IMP4: variants seen among roughly 807,000 people sequenced by gnomAD.
IMP4 encodes U3 small nucleolar ribonucleoprotein IMP4.
IMP4 carries 30 observed loss-of-function variants against 42.7 expected under a neutral mutation model. The ratio of observed to expected loss-of-function variants is 0.70; its 90% CI spans 0.53 to 0.95. The LOEUF (loss-of-function observed/expected upper bound fraction) is 0.95. IMP4 is among the 40% of genes least tolerant of loss of function. The pLI, the probability that IMP4 is intolerant of heterozygous loss-of-function variation, is 0.00. For synonymous variants in IMP4, 165 were observed against 165.2 expected (o/e 1.00, Z 0.01); for missense variants, 382 against 411.4 (o/e 0.93, Z 0.62).
chr2:130,342,910 C>T lies in IMP4; in HGVS notation c.-23C>T. The stretch of plus-strand genomic sequence containing the variant: ...GGAGGAGCCCACAGATTCTCCCGGA[C>T]CCACGTGGAAGCGGCACTCAAGATG... On this transcript the variant is annotated 5_prime_UTR_variant, in exon 1 of 9. Transcript: ENST00000259239. 2 of 1,613,994 alleles carry T rather than the reference C, an allele frequency of 1.2e-6. No homozygotes were observed. Among genetic ancestry groups the T allele is most frequent in the Non-Finnish European group, 8.5e-7 (1 of 1,179,858 alleles).
rs755641127 is a variant in IMP4 at position 130,346,470 on chromosome 2, C to T, written c.*2C>T. ...AGAGTCTTCCTGAGCACCGAGTGAGCACACTCACCACTCAGTCAGGACATG... is the reference window on the plus strand; with the variant it reads ...AGAGTCTTCCTGAGCACCGAGTGAGTACACTCACCACTCAGTCAGGACATG... On this transcript the variant is annotated 3_prime_UTR_variant, in exon 9 of 9. Transcript: ENST00000259239. 2 of 1,543,794 alleles carry T rather than the reference C, an allele frequency of 1.3e-6. No homozygotes were observed. The highest frequency in any genetic ancestry group is 1.8e-6 in the Non-Finnish European group (2 of 1,139,082).
At position 130,345,332 on chromosome 2, in the gene IMP4, C is replaced by G. The variant is rs761787596; in HGVS notation, c.197-44C>G. On this transcript the variant is annotated intron_variant, in intron 3 of 8. Transcript: ENST00000259239. The surrounding 1 kb of genome is among the most constrained non-coding windows in gnomAD (Gnocchi z 4.9). ...CTTGGCTGCCCCGAAGTTAGCATTT[C>G]ATTCCCAAGACTGTCATGTTCTTGC... 18 of 1,508,556 alleles carry G rather than the reference C, an allele frequency of 1.2e-5. No individual in the cohort carries two copies. Among genetic ancestry groups the G allele is most frequent in the Non-Finnish European group, 5.5e-6 (6 of 1,090,104 alleles). The allele number at this position is 1,508,556 out of a possible 1,614,324, so 93.4% of individuals were successfully genotyped here. A position where few individuals can be genotyped will look rare whatever the true frequency, so the allele number is the denominator to read the frequency against.
rs1573848031 is a variant in IMP4, at chr2:130,347,898, C to G, written c.*1430C>G. ...TACATGGTTTGCAAATAGTTTTTCC[C>G]ACTCTGTAGATATAGCCATTGAGAA... On this transcript the variant is annotated 3_prime_UTR_variant, in exon 9 of 9. Transcript: ENST00000259239. The G allele has an allele frequency of 2.0e-5, 3 of 152,382 alleles. No individual in the cohort carries two copies. The highest frequency in any genetic ancestry group is 2.0e-4 in the Admixed American group (3 of 15,302). The allele number at this position is 152,382 out of a possible 1,614,324, so 9.4% of individuals were successfully genotyped here.
intron 7 of IMP4, 38 bp downstream of exon 7, chr2:130,346,150 C>T (rs373532247): frequency 1.9e-6 from 3 of 1,612,296 alleles, no homozygotes; most frequent in African/African-American, 2.7e-5. Context: ...AGCATCCCCA[C>T]CCTGTGTACC....
In IMP4 at chr2:130,346,610, C is replaced by T. The variant is rs1679597566; in HGVS notation, c.*142C>T. ...GGCGGGTGGAGAGGTCTGAATAAACCGTCTGTGTCATGGCCCCGCCTGCCT... is the reference window on the plus strand; with the variant it reads ...GGCGGGTGGAGAGGTCTGAATAAACTGTCTGTGTCATGGCCCCGCCTGCCT... On this transcript the variant is annotated 3_prime_UTR_variant, in exon 9 of 9. Coordinates refer to ENST00000259239, the MANE Select transcript of IMP4 (RefSeq NM_033416.3). The T allele has an allele frequency of 7.2e-6, 5 of 692,254 alleles. No homozygotes were observed. Among genetic ancestry groups the T allele is most frequent in the South Asian group, 1.7e-5 (1 of 58,378 alleles). 42.9% of individuals were successfully genotyped at this position (692,254 alleles called of 1,614,324 possible). A position where few individuals can be genotyped will look rare whatever the true frequency, so the allele number is the denominator to read the frequency against.
At position 130,344,695 on chromosome 2, in the gene IMP4, A is replaced by G. The variant is rs758600510; in HGVS notation, c.179A>G (p.Asp60Gly). The change falls in exon 3 of 9, where the codon GAT becomes GGT. Residue 60 changes from aspartate (D) to glycine (G), a missense_variant. Asp to Gly is a moderately conservative substitution (Grantham distance 94). Coordinates refer to ENST00000259239, the MANE Select transcript of IMP4 (RefSeq NM_033416.3). ...GCCTTACAGGGGTCCCTGGAGTTTGATGATGCTGGAGGTGAAGGTAACTAT... is the reference window on the plus strand; with the variant it reads ...GCCTTACAGGGGTCCCTGGAGTTTGGTGATGCTGGAGGTGAAGGTAACTAT... ...ALALQGSLEF[D>G]DAGGEGVTSH... 6.2e-6 allele frequency: 10 copies of G among 1,613,124 alleles called. No homozygotes were observed. In the Admixed American group the frequency reaches 1.5e-4, roughly 24 times the overall value.
In IMP4 at chr2:130,345,269, T is replaced by C. The variant is rs1417423960; in HGVS notation, c.197-107T>C. The C allele has an allele frequency of 1.1e-5, 9 of 801,770 alleles. No homozygotes were observed. Among genetic ancestry groups the C allele is most frequent in the Non-Finnish European group, 1.7e-5 (8 of 473,036 alleles). 49.7% of individuals were successfully genotyped at this position (801,770 alleles called of 1,614,324 possible). The stretch of plus-strand genomic sequence containing the variant: ...CCGGTGTGCATGTGGAGCATTCCTA[T>C]TGTTGAAGGCTTCGGCAGACAGCGA... On this transcript the variant is annotated intron_variant, in intron 3 of 8. Transcript: ENST00000259239. The surrounding 1 kb of genome is among the most constrained non-coding windows in gnomAD (Gnocchi z 4.9).
Position 130,345,075 on chromosome 2 carries a change from A to C in IMP4, c.197-301A>C, listed in dbSNP as rs1363714042. On this transcript the variant is annotated intron_variant, in intron 3 of 8. Transcript: ENST00000259239. This position sits in a 1 kb window ranked among gnomAD's most constrained non-coding sequence, Gnocchi z 4.9. ...ATAGATATTTGTTACGAGGGAAAAG[A>C]GTTTGTCACCGTTGGCCTTAGCAGA... 15 of 552,564 alleles carry C rather than the reference A, an allele frequency of 2.7e-5. No homozygotes were observed. The East Asian group carries it at 4.0e-4, about 15-fold the overall frequency. 34.2% of individuals were successfully genotyped at this position (552,564 alleles called of 1,614,324 possible).
Position 130,345,557 on chromosome 2 carries a change from C to A in IMP4, c.307-10C>A, listed in dbSNP as rs374546065. ...CCCAGTCCTGACTGTACACTGCCAT[C>A]CACGCCCAGGAGCTGAAGCTGGTGT... On this transcript the variant is annotated splice_polypyrimidine_tract_variant and intron_variant, in intron 4 of 8. Coordinates refer to ENST00000259239, the MANE Select transcript of IMP4 (RefSeq NM_033416.3). The surrounding 1 kb of genome is among the most constrained non-coding windows in gnomAD (Gnocchi z 4.9). 1 of 1,614,072 alleles carries A rather than the reference C, an allele frequency of 6.2e-7. No individual in the cohort carries two copies. The highest frequency in any genetic ancestry group is 1.3e-5 in the African/African-American group (1 of 74,920).
chr2:130,346,022 C>T lies in IMP4; in HGVS notation c.599C>T (p.Ser200Phe), dbSNP rs148884551. The T allele has an allele frequency of 1.9e-6, 3 of 1,614,260 alleles. No individual in the cohort carries two copies. Among genetic ancestry groups the T allele is most frequent in the Admixed American group, 3.3e-5 (2 of 60,038 alleles). Residue 200 changes from serine to phenylalanine, a missense_variant, in exon 7 of 9, where the codon TCT (serine) becomes TTT (phenylalanine). Coordinates refer to ENST00000259239, the MANE Select transcript of IMP4 (RefSeq NM_033416.3). The stretch of plus-strand genomic sequence containing the variant: ...CTCTCTTTCCTTGTGCCCCAGGTCT[C>T]TGACATCCTCCGATACCTATTTCCC... Reference protein sequence around the residue: ...GFSSRLGKRVSDILRYLFPVP... With the variant: ...GFSSRLGKRVFDILRYLFPVP...
chr2:130,343,338 C>T (rs761281200), intron 2 of IMP4, 144 bp downstream of exon 2: 28 of 730,120 alleles, frequency 3.8e-5, no homozygotes, highest in Non-Finnish European at 5.8e-5. Flanking sequence ...AGTGTTTCTT[C>T]CGTGTGATGG....
At chr2:130,343,915 C>T (rs968869952) in intron 2 of IMP4, among the ~76,000 whole-genome samples, 6 of 152,196 alleles carry the variant, frequency 3.9e-5, no homozygotes, top group African/African-American at 1.4e-4. Context: ...GGTCCAGGGC[C>T]CGCTGAAGCC....
chr2:130,344,787 A>G (rs1679392225), intron 3 of IMP4, 75 bp downstream of exon 3: 3 of 993,282 alleles, frequency 3.0e-6, no homozygotes, highest in African/African-American at 1.6e-5. Context: ...ACCGGGCACC[A>G]TCCCATCAGA....
chr2:130,346,009 G>A lies in IMP4; in HGVS notation c.595-9G>A. Reference sequence around the variant, plus strand: ...CCACTCTGTTTCCCTCTCTTTCCTTGTGCCCCAGGTCTCTGACATCCTCCG... The same window carrying A: ...CCACTCTGTTTCCCTCTCTTTCCTTATGCCCCAGGTCTCTGACATCCTCCG... On this transcript the variant is annotated splice_polypyrimidine_tract_variant and intron_variant, in intron 6 of 8. Coordinates refer to ENST00000259239, the MANE Select transcript of IMP4 (RefSeq NM_033416.3). The A allele has an allele frequency of 6.2e-7, 1 of 1,614,126 alleles. No individual in the cohort carries two copies. The highest frequency in any genetic ancestry group is 1.1e-5 in the South Asian group (1 of 91,070).
At chr2:130,343,937 G>A (rs546477156) in intron 2 of IMP4, among the ~76,000 whole-genome samples, 10 of 152,314 alleles carry the variant, frequency 6.6e-5, no homozygotes, top group East Asian at 1.9e-4. Flanking sequence ...TGCCTTCGAA[G>A]CGCTGTGGGC....
chr2:130,344,901 G>A (rs1364918779), intron 3 of IMP4, 189 bp downstream of exon 3: 2 of 602,008 alleles, frequency 3.3e-6, no homozygotes, highest in Non-Finnish European at 5.9e-6. Flanking sequence ...GCACACATGG[G>A]AGTGCCTCAC....
intron 3 of IMP4, 100 bp downstream of exon 3, chr2:130,344,812 G>A (rs556593597): frequency 2.4e-6 from 2 of 819,286 alleles, no homozygotes; most frequent in East Asian, 4.9e-5. Context: ...ACTGCTCCTG[G>A]AACTGTCCCC....
In IMP4 at chr2:130,346,256, C is replaced by G. The variant is rs762763256; in HGVS notation, c.745C>G (p.Pro249Ala). The G allele has an allele frequency of 3.1e-6, 5 of 1,614,002 alleles. No homozygotes were observed. The Admixed American group carries it at 6.7e-5, about 22-fold the overall frequency. ...CAACGTGGAGCTCACTGAGGTCGGG[C>G]CCCGCTTTGAGCTGAAGCGTGAGTT... ...HRNVELTEVGPRFELKLYMIR... is the reference protein window; with the variant it reads ...HRNVELTEVGARFELKLYMIR... The change falls in exon 8 of 9, where the codon CCC (proline) becomes GCC (alanine). Residue 249 changes from proline to alanine, a missense_variant. By Grantham distance (27) the Pro-to-Ala change is conservative (BLOSUM62 -1). Coordinates refer to ENST00000259239, the MANE Select transcript of IMP4 (RefSeq NM_033416.3).
Position 130,345,015 on chromosome 2 carries a change from A to G in IMP4, c.196+303A>G. Reference sequence around the variant, plus strand: ...TGGTGCCCATACGTTTATTCACTGCATTATTCAAGAAACAAGAAAGGAATC... The same window carrying G: ...TGGTGCCCATACGTTTATTCACTGCGTTATTCAAGAAACAAGAAAGGAATC... On this transcript the variant is annotated intron_variant, in intron 3 of 8. Coordinates refer to ENST00000259239, the MANE Select transcript of IMP4 (RefSeq NM_033416.3). The surrounding 1 kb of genome is among the most constrained non-coding windows in gnomAD (Gnocchi z 4.9). 7.2e-6 allele frequency: 4 copies of G among 558,282 alleles called. No homozygotes were observed. Among genetic ancestry groups the G allele is most frequent in the South Asian group, 4.3e-5 (2 of 46,062 alleles). The allele number at this position is 558,282 out of a possible 1,614,324, so 34.6% of individuals were successfully genotyped here.
Sources: gnomAD v4.1 joint callset for allele counts (sites outside exome capture counted in the v4.1 genomes callset) on GRCh38, gnomAD v4.1.1 for gene constraint, Gnocchi (gnomAD v3.1) non-coding constraint, MANE v1.5 for transcripts, NCBI Gene and HGNC (gene_info 2026-07-23, HGNC 2026-07-21) for gene names.